The following SMCHD1 variants were observed in gnomAD, a reference collection of about 807,000 sequenced individuals.
The protein encoded by SMCHD1 is structural maintenance of chromosomes flexible hinge domain-containing protein 1.
In SMCHD1, 78 loss-of-function variants were observed where a neutral mutation model predicts 254.7. The observed-to-expected ratio is 0.31, with a 90% confidence interval of 0.26 to 0.37. SMCHD1 has a LOEUF of 0.37. Among genes scored for constraint, SMCHD1 ranks in the 10% least tolerant of loss-of-function variants. The probability of loss-of-function intolerance (pLI) is 1.00; values close to 1 mark genes in which losing one functional copy is unlikely to be tolerated. For missense variants in SMCHD1, 1,840 were observed against 2,408.1 expected (o/e 0.76, Z 4.94); for synonymous variants, 766 against 794.9 (o/e 0.96, Z 0.61).
At chr18:2,796,231 C>T (rs886463181) in intron 46 of SMCHD1, 124 bp downstream of exon 46, 104 of 953,942 alleles carry the variant, frequency 1.1e-4, no homozygotes, top group Non-Finnish European at 1.5e-4. Flanking sequence ...AAACTCTTAA[C>T]CTCCAAGTCC....
intron 17 of SMCHD1, among the ~76,000 whole-genome samples, chr18:2,711,887 CTAT>C (rs2074684847): frequency 1.3e-5 from 2 of 152,116 alleles, no homozygotes; most frequent in Admixed American, 1.3e-4. Context: ...AGTTCTTGCT[CTAT>C]TATTTCCCAT....
At position 2,684,732 on chromosome 18, in the gene SMCHD1, T is replaced by TGTGTGTGTGA. The variant is rs534087695; in HGVS notation, c.639-3661_639-3660insTGTGTGTGAG. 6.6e-5 allele frequency among the ~76,000 whole-genome samples: 10 copies of TGTGTGTGTGA among 151,130 alleles called. 1 individual carries two copies. The highest frequency in any genetic ancestry group is 2.1e-4 in the South Asian group (1 of 4,772). On this transcript the variant is annotated intron_variant, in intron 5 of 47. Coordinates refer to ENST00000320876, the MANE Select transcript of SMCHD1 (RefSeq NM_015295.3). ...GTGTGTGTGTGTGTGTGTGTGTGTGTGATTCCATTTTATTTCCTTTTTGGC... is the reference window on the plus strand; with the variant it reads ...GTGTGTGTGTGTGTGTGTGTGTGTGTGTGTGTGTGAGATTCCATTTTATTTCCTTTTTGGC...
In SMCHD1 at chr18:2,655,948, C is replaced by T. The variant is rs1054749757; in HGVS notation, c.-128C>T. On this transcript the variant is annotated 5_prime_UTR_variant, in exon 1 of 48. Coordinates refer to ENST00000320876, the MANE Select transcript of SMCHD1 (RefSeq NM_015295.3). ...CTCGGCCGCCGCCGCTGACGAGGAGCTGCAGCGCGCCGGGCCGAGGCCTCG... is the reference window on the plus strand; with the variant it reads ...CTCGGCCGCCGCCGCTGACGAGGAGTTGCAGCGCGCCGGGCCGAGGCCTCG... 3.1e-6 allele frequency: 2 copies of T among 655,252 alleles called. No homozygotes were observed. Among genetic ancestry groups the T allele is most frequent in the Non-Finnish European group, 4.3e-6 (2 of 463,632 alleles). The allele number at this position is 655,252 out of a possible 1,614,324, so 40.6% of individuals were successfully genotyped here.
chr18:2,669,428 G>A (rs1208995116), intron 3 of SMCHD1, among the ~76,000 whole-genome samples: 1 of 152,072 alleles, frequency 6.6e-6, no homozygotes, highest in East Asian at 1.9e-4. Context: ...TGAATTGCTG[G>A]CCTCAAATTA....
intron 34 of SMCHD1, 151 bp from the exon 35 acceptor site, chr18:2,760,501 T>C (rs1200875882): frequency 2.7e-5 from 15 of 558,478 alleles, no homozygotes; most frequent in Middle Eastern, 9.1e-4. Flanking sequence ...GCAAGAAATA[T>C]TTGTTGAACG....
rs77998760 is a variant in SMCHD1, at chr18:2,761,430, T to C, written c.4435-675T>C. Among the ~76,000 whole-genome samples, 1,355 of 152,290 alleles carry C rather than the reference T, an allele frequency of 8.9e-3. 22 individuals carry two copies. Among genetic ancestry groups the C allele is most frequent in the African/African-American group, 0.031 (1,284 of 41,556 alleles). ...GAATCTAAGATAATTTTTAAAATAA[T>C]GAAAGTTGGAAATTAAAAATAAATA... On this transcript the variant is annotated intron_variant, in intron 35 of 47. Transcript: ENST00000320876.
In SMCHD1 at chr18:2,726,542, A is replaced by C; in HGVS notation, c.2773+18A>C. ...ACTACCTGGTAATATTATTTCAAGA[A>C]ATATAATTATTTAAAATAATTTTCT... On this transcript the variant is annotated intron_variant, in intron 22 of 47. Transcript: ENST00000320876. 3.5e-6 allele frequency: 4 copies of C among 1,147,748 alleles called. No homozygotes were observed. The highest frequency in any genetic ancestry group is 2.4e-6 in the Non-Finnish European group (2 of 820,470). 71.1% of individuals were successfully genotyped at this position (1,147,748 alleles called of 1,614,324 possible).
intron 5 of SMCHD1, among the ~76,000 whole-genome samples, chr18:2,676,768 A>G (rs1448524468): frequency 6.6e-6 from 1 of 152,164 alleles, no homozygotes; most frequent in African/African-American, 2.4e-5. Flanking sequence ...TGATCTGTCT[A>G]CACACTTACA....
At chr18:2,760,191 A>G (rs2075761534) in intron 34 of SMCHD1, among the ~76,000 whole-genome samples, 1 of 152,228 alleles carries the variant, frequency 6.6e-6, no homozygotes, top group South Asian at 2.1e-4. Context: ...CATTATTGGT[A>G]ATTGATTCAC....
chr18:2,701,163 T>A (rs1039180045), intron 12 of SMCHD1: 14 of 256,426 alleles, frequency 5.5e-5, no homozygotes, highest in South Asian at 1.4e-4. Context: ...TAGTTTTTTT[T>A]GTTTTTTTTT....
rs547466679 is a variant in SMCHD1, at chr18:2,770,138, TA to T, written c.4966+31del. The T allele has an allele frequency of 4.9e-3, 7,844 of 1,589,542 alleles. 27 individuals carry two copies. Among genetic ancestry groups the T allele is most frequent in the Non-Finnish European group, 5.8e-3 (6,846 of 1,172,922 alleles). The stretch of plus-strand genomic sequence containing the variant: ...GTCATTTTGTATTCAAGACAAAAAT[TA>T]TGCTTTGGGGAATGATGAGGCAGGT... On this transcript the variant is annotated intron_variant, in intron 39 of 47. Transcript: ENST00000320876.
chr18:2,696,939 C>G (rs1405655779), intron 8 of SMCHD1, 93 bp from the exon 9 acceptor site: 1 of 586,174 alleles, frequency 1.7e-6, no homozygotes, highest in Non-Finnish European at 2.9e-6. Flanking sequence ...TGCTTGATAC[C>G]TAGTAAATAG....
intron 47 of SMCHD1, chr18:2,801,076 G>A (rs1295811450): frequency 6.6e-6 from 1 of 152,104 alleles, no homozygotes; most frequent in Non-Finnish European, 1.5e-5. Flanking sequence ...AGAGATAGAA[G>A]ACATAGAGAA....
In SMCHD1 at chr18:2,718,604, G is replaced by GTAT. The variant is rs1185603134; in HGVS notation, c.2458+170_2458+171insTAT. On this transcript the variant is annotated intron_variant, in intron 19 of 47. Coordinates refer to ENST00000320876, the MANE Select transcript of SMCHD1 (RefSeq NM_015295.3). The surrounding 1 kb of genome is among the most constrained non-coding windows in gnomAD (Gnocchi z 4.6). Reference sequence around the variant, plus strand: ...GGGGTCTCATTCTGTCACCCAGGCTGGAGTGCAGTGGCACAATCTCGGCTC... The same window carrying GTAT: ...GGGGTCTCATTCTGTCACCCAGGCTGTATGAGTGCAGTGGCACAATCTCGGCTC... 4.7e-4 allele frequency among the ~76,000 whole-genome samples: 71 copies of GTAT among 152,278 alleles called. No homozygotes were observed. Among genetic ancestry groups the GTAT allele is most frequent in the Middle Eastern group, 3.4e-3 (1 of 294 alleles).
intron 34 of SMCHD1, 142 bp from the exon 35 acceptor site, chr18:2,760,510 C>T (rs1388388699): frequency 2.1e-5 from 12 of 564,888 alleles, no homozygotes; most frequent in Non-Finnish European, 3.5e-5. Flanking sequence ...ATTTGTTGAA[C>T]GAATGAAGGT....
At position 2,729,407 on chromosome 18, in the gene SMCHD1, C is replaced by A. The variant is rs769920999; in HGVS notation, c.3046C>A (p.Pro1016Thr). ...GACGCTTAAAGCAAGAATTGAAATACCTGTAAGTTATTATTGTTACTCATT... is the reference window on the plus strand; with the variant it reads ...GACGCTTAAAGCAAGAATTGAAATAACTGTAAGTTATTATTGTTACTCATT... ...DQTLKARIEIPSCKDVAPVEK... is the reference protein window; with the variant it reads ...DQTLKARIEITSCKDVAPVEK... The change falls in exon 24 of 48, where the codon CCT becomes ACT. Residue 1016 changes from proline to threonine, a missense_variant and splice_region_variant. Physicochemically the swap from Pro to Thr is conservative, Grantham distance 38. Around this residue, in one of 9 missense-constraint regions of SMCHD1, gnomAD observed 881 missense variants for 1,009.5 expected, o/e 0.87. Coordinates refer to ENST00000320876, the MANE Select transcript of SMCHD1 (RefSeq NM_015295.3). 1 of 1,512,580 alleles carries A rather than the reference C, an allele frequency of 6.6e-7. No homozygotes were observed. The allele number at this position is 1,512,580 out of a possible 1,614,324, so 93.7% of individuals were successfully genotyped here. A position where few individuals can be genotyped will look rare whatever the true frequency, so the allele number is the denominator to read the frequency against.
In SMCHD1 at chr18:2,769,684, A is replaced by C; in HGVS notation, c.4720-10A>C. 1 of 1,589,474 alleles carries C rather than the reference A, an allele frequency of 6.3e-7. No homozygotes were observed. The highest frequency in any genetic ancestry group is 1.1e-5 in the South Asian group (1 of 87,946). On this transcript the variant is annotated splice_polypyrimidine_tract_variant and intron_variant, in intron 37 of 47. Transcript: ENST00000320876. ...TCTTGTTTTCCCCTATTGTTTGTTT[A>C]TATGTACAGAGTCTGGTGCTGGCAG... is the stretch of plus-strand genomic sequence containing the variant.
Position 2,700,163 on chromosome 18 carries a change from G to C in SMCHD1, c.1343-376G>C, listed in dbSNP as rs116515120. Among the ~76,000 whole-genome samples, 648 of 152,268 alleles carry C rather than the reference G, an allele frequency of 4.3e-3. 5 individuals are homozygous for C. The highest frequency in any genetic ancestry group is 0.015 in the African/African-American group (632 of 41,530). ...TAGATTTCTCAGATGACTTTCATGT[G>C]AACATACTAGTTCTGATAAAATTGT... is the stretch of plus-strand genomic sequence containing the variant. On this transcript the variant is annotated intron_variant, in intron 10 of 47. Coordinates refer to ENST00000320876, the MANE Select transcript of SMCHD1 (RefSeq NM_015295.3).
Position 2,677,977 on chromosome 18 carries a change from T to C in SMCHD1, c.638+3832T>C, listed in dbSNP as rs145244046. Among the ~76,000 whole-genome samples the C allele has an allele frequency of 1.3e-3, 200 of 152,328 alleles. 3 individuals carry two copies. The highest frequency in any genetic ancestry group is 1.6e-3 in the Non-Finnish European group (112 of 68,034). On this transcript the variant is annotated intron_variant, in intron 5 of 47. Transcript: ENST00000320876. The stretch of plus-strand genomic sequence containing the variant: ...CTAGGGATTACAACCAGCATCTTAA[T>C]TGATAACAATCCAGTCTGGATTAAT...
Sources: allele counts gnomAD v4.1 joint callset (sites outside exome capture counted in the v4.1 genomes callset), GRCh38; gene constraint gnomAD v4.1.1; regional missense constraint gnomAD v4.1.1; non-coding constraint Gnocchi (gnomAD v3.1); transcripts MANE v1.5; gene names NCBI Gene and HGNC (gene_info 2026-07-23, HGNC 2026-07-21).